Variants in JMY observed in about 807,000 individuals in gnomAD.
JMY encodes junction-mediating and -regulatory protein.
JMY carries 46 observed loss-of-function variants against 103.3 expected under a neutral mutation model. That is an observed-to-expected ratio of 0.45 (90% CI 0.35 to 0.57). The LOEUF (loss-of-function observed/expected upper bound fraction) is 0.57, where lower values mean the gene tolerates loss of function less well. JMY is among the 20% of genes least tolerant of loss of function. The pLI is 0.00. For missense variants in JMY, 1,238 were observed against 1,255.2 expected (o/e 0.99, Z 0.21); for synonymous variants, 526 against 489.3 (o/e 1.07, Z -0.99).
intron 1 of JMY, among the ~76,000 whole-genome samples, chr5:79,251,847 T>A (rs1745093527): frequency 6.6e-6 from 1 of 152,156 alleles, no homozygotes; most frequent in African/African-American, 2.4e-5. Flanking sequence ...AGATATCAGC[T>A]CACTGGAACC....
At position 79,326,420 on chromosome 5, in the gene JMY, C is replaced by CTAA. The variant is rs1747648595; in HGVS notation, c.*4820_*4822dup. On this transcript the variant is annotated 3_prime_UTR_variant, in exon 11 of 11. Transcript: ENST00000396137. ...CAAATTATTCCAGCTTTTCCCAATACTAATTATATTGGTTTTAAAAAGTCT... is the reference window on the plus strand; with the variant it reads ...CAAATTATTCCAGCTTTTCCCAATACTAATAATTATATTGGTTTTAAAAAGTCT... 6.6e-6 allele frequency: 1 copy of CTAA among 151,658 alleles called. No individual in the cohort carries two copies. The highest frequency in any genetic ancestry group is 1.5e-5 in the Non-Finnish European group (1 of 67,926). 9.4% of individuals were successfully genotyped at this position (151,658 alleles called of 1,614,324 possible).
chr5:79,265,746 T>G (rs905182209), intron 1 of JMY, among the ~76,000 whole-genome samples: 1 of 151,756 alleles, frequency 6.6e-6, no homozygotes, highest in Non-Finnish European at 1.5e-5. Context: ...CCTCACCCAC[T>G]GTTTCCCACC....
chr5:79,270,573 G>GTATATTTACATAAATATTTACATAAAATA lies in JMY; in HGVS notation c.1033-7317_1033-7316insCATAAAATATATATTTACATAAATATTTA, dbSNP rs1745741264. Among the ~76,000 whole-genome samples the GTATATTTACATAAATATTTACATAAAATA allele has an allele frequency of 6.9e-5, 2 of 28,982 alleles. 1 individual carries two copies. Among genetic ancestry groups the GTATATTTACATAAATATTTACATAAAATA allele is most frequent in the African/African-American group, 1.7e-4 (2 of 11,780 alleles). The allele number at this position is 28,982 out of a possible 152,430, so 19.0% of individuals were successfully genotyped here. ...GTATATTTACATAAATATTTAAAAT[G>GTATATTTACATAAATATTTACATAAAATA]TATATTTACATAAATATTTAAAATG... is the stretch of plus-strand genomic sequence containing the variant. On this transcript the variant is annotated intron_variant, in intron 1 of 10. Transcript: ENST00000396137.
intron 1 of JMY, among the ~76,000 whole-genome samples, chr5:79,266,657 A>G (rs73769603): frequency 0.021 from 3,150 of 152,260 alleles, 131 homozygotes; most frequent in African/African-American, 0.071. Flanking sequence ...TTTTCCTACT[A>G]TACTGTTGAA....
At chr5:79,295,212 G>A (rs1030473315) in intron 4 of JMY, among the ~76,000 whole-genome samples, 1 of 152,178 alleles carries the variant, frequency 6.6e-6, no homozygotes, top group African/African-American at 2.4e-5. Context: ...CTCCAGTAGG[G>A]TAGTTTTCAG....
At chr5:79,273,628 G>T (rs1745848017) in intron 1 of JMY, among the ~76,000 whole-genome samples, 1 of 152,158 alleles carries the variant, frequency 6.6e-6, no homozygotes, top group African/African-American at 2.4e-5. Flanking sequence ...TGGAACTTCA[G>T]TTCAATATAT....
intron 10 of JMY, among the ~76,000 whole-genome samples, chr5:79,320,449 T>C (rs770245224): frequency 1.3e-5 from 2 of 151,962 alleles, no homozygotes; most frequent in Non-Finnish European, 2.9e-5. Flanking sequence ...CAATCTGGGA[T>C]TACAGGCGCA....
intron 8 of JMY, among the ~76,000 whole-genome samples, chr5:79,313,516 G>C (rs552101262): frequency 6.6e-6 from 1 of 152,264 alleles, no homozygotes; most frequent in African/African-American, 2.4e-5. Context: ...TCTTCATTCT[G>C]TCATAAAATG....
At chr5:79,316,383 T>C in intron 10 of JMY, 73 bp downstream of exon 10, 1 of 1,193,432 alleles carries the variant, frequency 8.4e-7, no homozygotes, top group Non-Finnish European at 1.2e-6. Flanking sequence ...TTTGGGGTAT[T>C]TTTTATTGAG....
intron 1 of JMY, among the ~76,000 whole-genome samples, chr5:79,253,610 C>T (rs1353526631): frequency 6.6e-6 from 1 of 152,140 alleles, no homozygotes; most frequent in African/African-American, 2.4e-5. Context: ...TTTAATCTTT[C>T]TAAGATAAGA....
intron 1 of JMY, among the ~76,000 whole-genome samples, chr5:79,242,178 T>C (rs1283145377): frequency 6.6e-6 from 1 of 152,204 alleles, no homozygotes; most frequent in East Asian, 1.9e-4. Flanking sequence ...AGCATGTGTT[T>C]TCAAAATTAT....
At chr5:79,261,417 C>A (rs1021757234) in intron 1 of JMY, among the ~76,000 whole-genome samples, 3 of 151,942 alleles carry the variant, frequency 2.0e-5, no homozygotes, top group African/African-American at 7.3e-5. Flanking sequence ...ATTAGCCAGG[C>A]ATAGTGGCAC....
chr5:79,284,056 T>A (rs13156310), intron 2 of JMY: 1 of 807,968 alleles, frequency 1.2e-6, no homozygotes, highest in Non-Finnish European at 1.7e-6. Flanking sequence ...TACTTTCTTT[T>A]TTTTATTTTT....
At chr5:79,289,234 CAA>C (rs535416062) in intron 2 of JMY, among the ~76,000 whole-genome samples, 20 of 55,424 alleles carry the variant, frequency 3.6e-4, no homozygotes, top group African/African-American at 5.6e-4. Flanking sequence ...GACGCCGTCT[CAA>C]AAAAAAAAAA....
chr5:79,258,042 C>T (rs916707792), intron 1 of JMY, among the ~76,000 whole-genome samples: 1 of 152,142 alleles, frequency 6.6e-6, no homozygotes, highest in African/African-American at 2.4e-5. Context: ...GGATTACAGT[C>T]ATGAGCCACT....
chr5:79,300,416 A>C, intron 5 of JMY, 98 bp downstream of exon 5: 1 of 1,280,726 alleles, frequency 7.8e-7, no homozygotes, highest in Non-Finnish European at 1.1e-6. Context: ...ACATTTAAAA[A>C]ATTGTTTTCT....
chr5:79,303,828 T>A (rs1746806701), intron 6 of JMY, among the ~76,000 whole-genome samples: 1 of 151,906 alleles, frequency 6.6e-6, no homozygotes, highest in Non-Finnish European at 1.5e-5. Context: ...GTTCAGAGTT[T>A]CGAGAAAAGT....
At position 79,236,768 on chromosome 5, in the gene JMY, G is replaced by T. The variant is rs1389405580; in HGVS notation, c.118G>T (p.Gly40Cys). 9 of 1,511,998 alleles carry T rather than the reference G, an allele frequency of 6.0e-6. No homozygotes were observed. Among genetic ancestry groups the T allele is most frequent in the Non-Finnish European group, 7.1e-6 (8 of 1,128,644 alleles). The allele number at this position is 1,511,998 out of a possible 1,614,324, so 93.7% of individuals were successfully genotyped here. Reference protein sequence around the residue: ...VFIVAWNEIEGKFAITCHNRT... With the variant: ...VFIVAWNEIECKFAITCHNRT... ...TATTGTGGCCTGGAACGAGATTGAG[G>T]GCAAGTTTGCCATAACCTGCCACAA... is the stretch of plus-strand genomic sequence containing the variant. Residue 40 changes from glycine to cysteine, a missense_variant, in exon 1 of 11, where the codon GGC becomes TGC. Gly to Cys is a radical substitution (Grantham distance 159). Coordinates refer to ENST00000396137, the MANE Select transcript of JMY (RefSeq NM_152405.5).
At chr5:79,250,155 C>G (rs1745034684) in intron 1 of JMY, among the ~76,000 whole-genome samples, 1 of 152,148 alleles carries the variant, frequency 6.6e-6, no homozygotes, top group Non-Finnish European at 1.5e-5. Context: ...CTTGTTTGTA[C>G]TAAAAACCGT....
Sources: allele counts gnomAD v4.1 joint callset (sites outside exome capture counted in the v4.1 genomes callset), GRCh38; gene constraint gnomAD v4.1.1; transcripts MANE v1.5; gene names NCBI Gene and HGNC (gene_info 2026-07-23, HGNC 2026-07-21).